The following ZIC4 variants were observed in gnomAD, a reference collection of about 807,000 sequenced individuals.
ZIC4 encodes zinc finger protein ZIC 4.
In ZIC4, 15 loss-of-function variants were observed where a neutral mutation model predicts 28.8. The observed-to-expected ratio is 0.52, with a 90% CI of 0.35 to 0.80. The LOEUF (loss-of-function observed/expected upper bound fraction) is 0.80. Among genes scored for constraint, ZIC4 ranks in the 30% least tolerant of loss-of-function variants. The pLI, the probability that ZIC4 is intolerant of heterozygous loss-of-function variation, is 0.01. For missense variants in ZIC4, 512 were observed against 467.1 expected, an observed-to-expected ratio of 1.10 and a Z score of -0.89; for synonymous variants, 220 against 198.1, an observed-to-expected ratio of 1.11 and a Z score of -0.93.
Position 147,402,739 on chromosome 3 carries a change from AG to A in ZIC4, c.58del (p.Glu22SerfsTer38). On this transcript the variant is annotated frameshift_variant, in exon 2 of 5. Coordinates refer to ENST00000383075, the MANE Select transcript of ZIC4 (RefSeq NM_032153.6). LOFTEE classifies it high-confidence loss of function. ...RKRLRLYRNT[L>X]KESSSSSGHH... is the part of the protein sequence containing the mutation. Reference sequence around the variant, plus strand: ...GGATTTTAACTTACTTGACTCTTTAAGAGTGTTTCGGTAAAGCCGTAATCGT... The same window carrying A: ...GGATTTTAACTTACTTGACTCTTTAAAGTGTTTCGGTAAAGCCGTAATCGT... The A allele has an allele frequency of 6.2e-7, 1 of 1,613,558 alleles. No individual in the cohort carries two copies. Among genetic ancestry groups the A allele is most frequent in the African/African-American group, 1.3e-5 (1 of 75,000 alleles).
rs953962068 is a variant in ZIC4, at chr3:147,386,991, A to T, written c.*1868T>A. 2 of 152,218 alleles carry T rather than the reference A, an allele frequency of 1.3e-5. No homozygotes were observed. The highest frequency in any genetic ancestry group is 2.9e-5 in the Non-Finnish European group (2 of 68,042). 9.4% of individuals were successfully genotyped at this position (152,218 alleles called of 1,614,324 possible). On this transcript the variant is annotated 3_prime_UTR_variant, in exon 5 of 5. Transcript: ENST00000383075. ...AGTTCCAAGGATCCTGGGCAAGAAT[A>T]TTAGGAGCCTGAGGGGTACCCAAAG...
At chr3:147,403,914 T>A in intron 1 of ZIC4, 1 of 1,495,506 alleles carries the variant, frequency 6.7e-7, no homozygotes, top group Non-Finnish European at 8.9e-7. Flanking sequence ...TACCCTTCCA[T>A]CTCCCCTCTT....
Position 147,387,098 on chromosome 3 carries a change from G to A in ZIC4, c.*1761C>T, listed in dbSNP as rs1266853932. The stretch of plus-strand genomic sequence containing the variant: ...AAGCAGAAACACAATTATGGACTTA[G>A]GGTATGTATTCTGCTTGCACCCTCT... On this transcript the variant is annotated 3_prime_UTR_variant, in exon 5 of 5. Transcript: ENST00000383075. 1 of 152,138 alleles carries A rather than the reference G, an allele frequency of 6.6e-6. No individual in the cohort carries two copies. The highest frequency in any genetic ancestry group is 6.6e-5 in the Admixed American group (1 of 15,266). 9.4% of individuals were successfully genotyped at this position (152,138 alleles called of 1,614,324 possible).
chr3:147,400,282 T>G (rs906222529), intron 2 of ZIC4, among the ~76,000 whole-genome samples: 1 of 152,232 alleles, frequency 6.6e-6, no homozygotes, highest in African/African-American at 2.4e-5. Context: ...ACACATAGTC[T>G]GCTAGCATAC....
At chr3:147,394,862 G>C (rs1440783655) in intron 3 of ZIC4, among the ~76,000 whole-genome samples, 4 of 152,174 alleles carry the variant, frequency 2.6e-5, no homozygotes. Context: ...TCCAACAATT[G>C]TCGATGTTCC....
At chr3:147,395,161 G>A (rs1264442774) in intron 3 of ZIC4, among the ~76,000 whole-genome samples, 1 of 152,194 alleles carries the variant, frequency 6.6e-6, no homozygotes, top group African/African-American at 2.4e-5. Flanking sequence ...AGATGCTCTG[G>A]CCAGAGGAGT....
At chr3:147,394,071 A>C in intron 3 of ZIC4, 2 of 427,414 alleles carry the variant, frequency 4.7e-6, no homozygotes, top group Admixed American at 5.2e-5. Context: ...GTCTTCATGA[A>C]TAATTTGTAG....
intron 4 of ZIC4, 22 bp downstream of exon 4, chr3:147,390,909 G>T: frequency 2.5e-6 from 4 of 1,589,982 alleles, no homozygotes; most frequent in Non-Finnish European, 3.4e-6. Context: ...CCGCTATGGG[G>T]CCCAAGCCCT....
At chr3:147,403,860 C>T in intron 1 of ZIC4, 2 of 1,102,810 alleles carry the variant, frequency 1.8e-6, no homozygotes, top group Non-Finnish European at 2.5e-6. Flanking sequence ...CTCTCTCTCT[C>T]CCCCTCAACG....
chr3:147,389,140 A>G (rs2086855688), intron 4 of ZIC4: 1 of 540,030 alleles, frequency 1.9e-6, no homozygotes, highest in Non-Finnish European at 3.3e-6. Flanking sequence ...TCTGGGCCCT[A>G]TTGTATTAGG....
At position 147,396,375 on chromosome 3, in the gene ZIC4, G is replaced by A. The variant is rs2087044703; in HGVS notation, c.165C>T (p.Pro55=). 1.3e-6 allele frequency: 2 copies of A among 1,541,974 alleles called. No homozygotes were observed. Among genetic ancestry groups the A allele is most frequent in the Non-Finnish European group, 1.7e-6 (2 of 1,148,608 alleles). ...GLHEEPPQAS[P]SRPLNGLLRL... is the part of the protein sequence containing the mutation. ...GCAGGAGTCCATTCAAAGGACGGCT[G>A]GGGGAGGCCTGGGGAGGCTCCTCGT... Residue 55 remains proline, a synonymous_variant, in exon 3 of 5, where the codon CCC becomes CCT. Transcript: ENST00000383075. The surrounding 1 kb of genome is among the most constrained non-coding windows in gnomAD (Gnocchi z 4.2).
chr3:147,400,862 T>A (rs2087151683), intron 2 of ZIC4, among the ~76,000 whole-genome samples: 1 of 122,164 alleles, frequency 8.2e-6, no homozygotes, highest in African/African-American at 2.6e-5. Flanking sequence ...GCTCTTCAGA[T>A]TTTTTTTCCA....
chr3:147,402,530 C>A (rs946414581), intron 2 of ZIC4, among the ~76,000 whole-genome samples, 198 bp downstream of exon 2: 3 of 151,980 alleles, frequency 2.0e-5, no homozygotes, highest in Non-Finnish European at 1.5e-5. Flanking sequence ...GCTGGTGGGA[C>A]GTTGTGTCAT....
Position 147,388,778 on chromosome 3 carries a change from G to A in ZIC4, c.*81C>T. On this transcript the variant is annotated 3_prime_UTR_variant, in exon 5 of 5. Coordinates refer to ENST00000383075, the MANE Select transcript of ZIC4 (RefSeq NM_032153.6). Reference sequence around the variant, plus strand: ...GCGAAGAAACACTGCTTTGTGCGCGGGCCCTTTGATGTAGCAGGCGCGAGA... The same window carrying A: ...GCGAAGAAACACTGCTTTGTGCGCGAGCCCTTTGATGTAGCAGGCGCGAGA... The A allele has an allele frequency of 2.6e-6, 2 of 756,756 alleles. No homozygotes were observed. Among genetic ancestry groups the A allele is most frequent in the Non-Finnish European group, 4.9e-6 (2 of 409,826 alleles). 46.9% of individuals were successfully genotyped at this position (756,756 alleles called of 1,614,324 possible). A position where few individuals can be genotyped will look rare whatever the true frequency, so the allele number is the denominator to read the frequency against.
intron 3 of ZIC4, chr3:147,393,690 G>A (rs531806614): frequency 3.5e-6 from 1 of 286,032 alleles, no homozygotes; most frequent in African/African-American, 2.3e-5. Flanking sequence ...ACTGCGCCCC[G>A]GCGCGGTCTC....
chr3:147,405,261 G>A, intron 1 of ZIC4: 1 of 1,043,184 alleles, frequency 9.6e-7, no homozygotes. Context: ...CCCTCCCTTT[G>A]AATCACCCCT....
At chr3:147,404,011 C>T in intron 1 of ZIC4, 1 of 1,537,154 alleles carries the variant, frequency 6.5e-7, no homozygotes, top group Non-Finnish European at 8.7e-7. Context: ...AACCAAAAGG[C>T]ATTCTTCCCC....
intron 1 of ZIC4, chr3:147,403,848 C>T: frequency 9.8e-7 from 1 of 1,019,812 alleles, no homozygotes. Context: ...AAAGATCTCT[C>T]TCTCTCTCTC....
At chr3:147,403,721 G>T (rs1056699500) in intron 1 of ZIC4, 1 of 377,598 alleles carries the variant, frequency 2.6e-6, no homozygotes, top group Non-Finnish European at 4.7e-6. Flanking sequence ...AACACAGCAA[G>T]TCCTCTGTCA....
Sources: gnomAD v4.1 joint callset for allele counts (sites outside exome capture counted in the v4.1 genomes callset) on GRCh38, gnomAD v4.1.1 for gene constraint, Gnocchi (gnomAD v3.1) non-coding constraint, MANE v1.5 for transcripts, NCBI Gene and HGNC (gene_info 2026-07-23, HGNC 2026-07-21) for gene names.